The following CAPN8 variants were observed in gnomAD, a reference collection of about 807,000 sequenced individuals.
CAPN8 encodes calpain 8.
CAPN8 carries 87 observed loss-of-function variants against 80.9 expected under a neutral mutation model. That is an observed-to-expected ratio of 1.07 (90% CI 0.90 to 1.28). The LOEUF (loss-of-function observed/expected upper bound fraction) is 1.28, where lower values mean the gene tolerates loss of function less well. Among genes scored for constraint, CAPN8 ranks in the 50% most tolerant of loss-of-function variants. CAPN8 has a pLI of 0.00. For synonymous variants in CAPN8, 299 were observed against 273.8 expected (o/e 1.09, Z -0.91); for missense variants, 757 against 702.0 (o/e 1.08, Z -0.89).
chr1:223,544,951 T>G, intron 17 of CAPN8, 101 bp from the exon 18 acceptor site: 1 of 1,530,636 alleles, frequency 6.5e-7, no homozygotes, highest in Non-Finnish European at 8.8e-7. Flanking sequence ...CCAGGGACAC[T>G]TTCAAAAGGA....
chr1:223,646,341 T>A (rs1658191682), intron 2 of CAPN8, among the ~76,000 whole-genome samples: 1 of 152,236 alleles, frequency 6.6e-6, no homozygotes, highest in Non-Finnish European at 1.5e-5. Flanking sequence ...ATTCCTTGGA[T>A]GGCGGGAGCC....
chr1:223,621,567 G>A (rs1657393877), intron 7 of CAPN8, among the ~76,000 whole-genome samples: 1 of 152,094 alleles, frequency 6.6e-6, no homozygotes, highest in African/African-American at 2.4e-5. Context: ...CTGAGGTTTT[G>A]GGTTTTGCTC....
intron 16 of CAPN8, among the ~76,000 whole-genome samples, chr1:223,548,187 A>G (rs1656678344): frequency 6.6e-6 from 1 of 152,168 alleles, no homozygotes; most frequent in African/African-American, 2.4e-5. Context: ...CTCATCATGG[A>G]TGAGGCCCCA....
intron 1 of CAPN8, 99 bp downstream of exon 1, chr1:223,665,311 C>G: frequency 1.1e-6 from 1 of 929,296 alleles, no homozygotes; most frequent in Non-Finnish European, 1.6e-6. Context: ...GATCCAGACA[C>G]TTAGGGTCCA....
At chr1:223,664,322 A>T (rs1558361248) in intron 1 of CAPN8, among the ~76,000 whole-genome samples, 1 of 152,194 alleles carries the variant, frequency 6.6e-6, no homozygotes, top group Non-Finnish European at 1.5e-5. Context: ...TTCAGCAATG[A>T]TGTTGTCACA....
At chr1:223,555,509 T>C (rs1166629069) in intron 13 of CAPN8, among the ~76,000 whole-genome samples, 1 of 152,132 alleles carries the variant, frequency 6.6e-6, no homozygotes, top group Non-Finnish European at 1.5e-5. Flanking sequence ...ACACATCATA[T>C]CTCATCACAC....
chr1:223,553,322 C>T (rs947219657), intron 14 of CAPN8, among the ~76,000 whole-genome samples: 6 of 152,170 alleles, frequency 3.9e-5, no homozygotes, highest in Non-Finnish European at 7.3e-5. Context: ...GCATTCATGT[C>T]GGGCAAAGCT....
chr1:223,643,404 G>C (rs1312446450), intron 2 of CAPN8, among the ~76,000 whole-genome samples: 2 of 152,228 alleles, frequency 1.3e-5, no homozygotes, highest in Non-Finnish European at 2.9e-5. Context: ...GATGAGGGTG[G>C]TCTTCCAGGC....
chr1:223,616,070 T>A lies in CAPN8; in HGVS notation c.1211A>T (p.Glu404Val). The change falls in exon 10 of 21, where the codon GAA (glutamate) becomes GTA (valine). Residue 404 changes from glutamate to valine, a missense_variant. By Grantham distance (121) the Glu-to-Val change is moderately radical (BLOSUM62 -2). Transcript: ENST00000366872. ...GCCCAGCAGCACTGTACAGCAGGGT[T>A]CACCGATGCTCTCCTCCTGGTCCTC... ...VDEDQEESIG[E>V]PCCTVLLGLM... 6.4e-7 allele frequency: 1 copy of A among 1,552,212 alleles called. No homozygotes were observed. Among genetic ancestry groups the A allele is most frequent in the Non-Finnish European group, 8.7e-7 (1 of 1,147,100 alleles).
chr1:223,549,291 A>T (rs1656717930), intron 16 of CAPN8, 27 bp downstream of exon 16: 1 of 1,544,466 alleles, frequency 6.5e-7, no homozygotes, highest in Non-Finnish European at 8.7e-7. Flanking sequence ...GTAAAAAAAA[A>T]AAAATAATGC....
At chr1:223,647,157 CA>C (rs1658213746) in intron 2 of CAPN8, among the ~76,000 whole-genome samples, 1 of 152,078 alleles carries the variant, frequency 6.6e-6, no homozygotes, top group Non-Finnish European at 1.5e-5. Flanking sequence ...TATCTTCTGG[CA>C]AAAAGAAGTC....
intron 2 of CAPN8, among the ~76,000 whole-genome samples, chr1:223,641,872 CT>C (rs1448095768): frequency 6.6e-6 from 1 of 152,182 alleles, no homozygotes; most frequent in Non-Finnish European, 1.5e-5. Context: ...AGTAAATAGG[CT>C]GTGAAAGTTC....
At chr1:223,627,897 G>A (rs1657639884) in intron 4 of CAPN8, 112 bp downstream of exon 4, 1 of 1,293,614 alleles carries the variant, frequency 7.7e-7, no homozygotes, top group African/African-American at 1.5e-5. Context: ...TGGATGCTGG[G>A]AAAGACGCCA....
At chr1:223,634,405 G>A (rs1029985405) in intron 2 of CAPN8, among the ~76,000 whole-genome samples, 5 of 152,184 alleles carry the variant, frequency 3.3e-5, no homozygotes, top group East Asian at 1.9e-4. Flanking sequence ...ACTAGGGTAC[G>A]TAAGGACTAG....
chr1:223,634,096 A>T (rs1657849428), intron 2 of CAPN8, among the ~76,000 whole-genome samples: 2 of 152,232 alleles, frequency 1.3e-5, no homozygotes, highest in South Asian at 4.1e-4. Flanking sequence ...ATCATGGAGC[A>T]CTTACACAGA....
chr1:223,551,044 C>T, intron 14 of CAPN8, 27 bp from the exon 15 acceptor site: 2 of 717,302 alleles, frequency 2.8e-6, no homozygotes, highest in Non-Finnish European at 5.2e-6. Flanking sequence ...AAATGCAAAT[C>T]ATGTCAGGCC....
intron 17 of CAPN8, 153 bp downstream of exon 17, chr1:223,545,078 C>G: frequency 2.1e-6 from 3 of 1,420,150 alleles, no homozygotes; most frequent in Non-Finnish European, 2.8e-6. Context: ...ATGAGAGTCT[C>G]TCATTGCCTT....
At chr1:223,659,626 T>A (rs761680378) in intron 1 of CAPN8, among the ~76,000 whole-genome samples, 5 of 152,326 alleles carry the variant, frequency 3.3e-5, no homozygotes, top group Non-Finnish European at 5.9e-5. Context: ...ACTGTCAAAT[T>A]TAACTGCTTC....
chr1:223,557,468 A>G (rs1004025106), intron 13 of CAPN8, among the ~76,000 whole-genome samples: 2 of 152,152 alleles, frequency 1.3e-5, no homozygotes, highest in African/African-American at 2.4e-5. Context: ...GGCCACAGAC[A>G]CAGCATGGCT....
Sources: allele counts gnomAD v4.1 joint callset (sites outside exome capture counted in the v4.1 genomes callset), GRCh38; gene constraint gnomAD v4.1.1; transcripts MANE v1.5; gene names NCBI Gene and HGNC (gene_info 2026-07-23, HGNC 2026-07-21).